Variants in NPHP4 observed in about 807,000 individuals in gnomAD.
NPHP4 encodes the protein nephrocystin 4.
In NPHP4, 151 loss-of-function variants were observed where a neutral mutation model predicts 155.8. The observed-to-expected ratio is 0.97, with a 90% CI of 0.85 to 1.11. NPHP4 has a LOEUF of 1.11. Ranked by LOEUF, NPHP4 falls within the 50% of genes least tolerant of loss-of-function variation. The pLI is 0.00. For missense variants in NPHP4, 1,956 were observed against 1,925.7 expected, an observed-to-expected ratio of 1.02 and a Z score of -0.29; for synonymous variants, 845 against 816.8, an observed-to-expected ratio of 1.03 and a Z score of -0.59.
chr1:5,866,335 C>T (rs760176313), intron 26 of NPHP4, 38 bp downstream of exon 26: 30 of 1,374,494 alleles, frequency 2.2e-5, no homozygotes, highest in Middle Eastern at 1.8e-4. Flanking sequence ...TCCTCTCCTC[C>T]GCCACCGCCT....
intron 26 of NPHP4, chr1:5,865,781 G>A (rs748353949): frequency 1.2e-4 from 19 of 163,392 alleles, no homozygotes; most frequent in Non-Finnish European, 1.9e-4. Context: ...ATGGGCTCAC[G>A]AGGAAGCCAC....
intron 16 of NPHP4, among the ~76,000 whole-genome samples, chr1:5,893,836 C>T (rs1037184912): frequency 8.5e-5 from 13 of 152,234 alleles, no homozygotes; most frequent in Admixed American, 3.3e-4. Flanking sequence ...TCTTCCCAGA[C>T]GCTGGCATTA....
chr1:5,927,991 T>A (rs1349849019), intron 10 of NPHP4, among the ~76,000 whole-genome samples: 1 of 152,198 alleles, frequency 6.6e-6, no homozygotes, highest in Non-Finnish European at 1.5e-5. Flanking sequence ...GCAGACCATA[T>A]GATCATGGAA....
intron 9 of NPHP4, among the ~76,000 whole-genome samples, chr1:5,945,119 A>G (rs992448170): frequency 1.3e-5 from 2 of 152,240 alleles, no homozygotes; most frequent in African/African-American, 4.8e-5. Flanking sequence ...TGGTTTCAGC[A>G]TACAGATGTC....
chr1:5,977,726 C>A (rs1653891342), intron 3 of NPHP4, among the ~76,000 whole-genome samples: 1 of 149,724 alleles, frequency 6.7e-6, no homozygotes, highest in African/African-American at 2.5e-5. Context: ...CGCTGCTCAA[C>A]CAGTGCCCAT....
chr1:5,977,166 G>A lies in NPHP4; in HGVS notation c.279+1104C>T, dbSNP rs570810698. 1.1e-4 allele frequency among the ~76,000 whole-genome samples: 16 copies of A among 152,216 alleles called. 1 individual carries two copies. The highest frequency in any genetic ancestry group is 3.4e-4 in the African/African-American group (14 of 41,518). On this transcript the variant is annotated intron_variant, in intron 3 of 29. Coordinates refer to ENST00000378156, the MANE Select transcript of NPHP4 (RefSeq NM_015102.5). ...AGCTGTGAAGCAGCAGCCAGGCATG[G>A]GAAAGGCCTCCATGACATCGCCGGC...
chr1:5,920,919 G>T (rs1247563817), intron 11 of NPHP4, among the ~76,000 whole-genome samples: 1 of 152,038 alleles, frequency 6.6e-6, no homozygotes, highest in East Asian at 1.9e-4. Context: ...GCTTAAGAAG[G>T]CCTTCCTAAC....
intron 5 of NPHP4, among the ~76,000 whole-genome samples, chr1:5,962,168 T>G (rs1329528495): frequency 6.6e-6 from 1 of 152,198 alleles, no homozygotes. Context: ...TTAATTTTTC[T>G]TTTTTGTTTG....
rs1430340392 is a variant in NPHP4 at position 5,867,032 on chromosome 1, C to T, written c.3556G>A (p.Val1186Met). 1.2e-6 allele frequency: 2 copies of T among 1,612,192 alleles called. No individual in the cohort carries two copies. Among genetic ancestry groups the T allele is most frequent in the African/African-American group, 1.3e-5 (1 of 74,906 alleles). The change falls in exon 25 of 30, where the codon GTG (valine) becomes ATG (methionine). Residue 1186 changes from valine (V) to methionine (M), a missense_variant and splice_region_variant. Val to Met is a conservative substitution (Grantham distance 21, BLOSUM62 1). Coordinates refer to ENST00000378156, the MANE Select transcript of NPHP4 (RefSeq NM_015102.5). This position sits in a 1 kb window ranked among gnomAD's most constrained non-coding sequence, Gnocchi z 4.1. ...DPNVICETQN[V>M]GPGEPRDIFL... ...GCTGGGGCCACAACACAACCTACCACATTCTGGGTCTCACAGATGACGTTC... is the reference window on the plus strand; with the variant it reads ...GCTGGGGCCACAACACAACCTACCATATTCTGGGTCTCACAGATGACGTTC...
chr1:5,864,582 G>A (rs1641004199), intron 27 of NPHP4, 65 bp from the exon 28 acceptor site: 1 of 1,401,906 alleles, frequency 7.1e-7, no homozygotes, highest in Non-Finnish European at 9.5e-7. Flanking sequence ...GGGGCTCCTG[G>A]GCGCCTGCAG....
rs756128114 is a variant in NPHP4 at position 5,890,831 on chromosome 1, A to C, written c.2304+37T>G. ...GCGTGACTCGTCCCATGAGGGACGCAGCACCCACTGTGCCTGTCCTTCCAG... is the reference window on the plus strand; with the variant it reads ...GCGTGACTCGTCCCATGAGGGACGCCGCACCCACTGTGCCTGTCCTTCCAG... On this transcript the variant is annotated intron_variant, in intron 17 of 29. Coordinates refer to ENST00000378156, the MANE Select transcript of NPHP4 (RefSeq NM_015102.5). The surrounding 1 kb of genome is among the most constrained non-coding windows in gnomAD (Gnocchi z 4.9). 2 of 1,585,188 alleles carry C rather than the reference A, an allele frequency of 1.3e-6. No individual in the cohort carries two copies. Among genetic ancestry groups the C allele is most frequent in the East Asian group, 2.3e-5 (1 of 43,820 alleles).
rs1644831969 is a variant in NPHP4 at position 5,904,746 on chromosome 1, A to T, written c.2014T>A (p.Phe672Ile). 6.2e-7 allele frequency: 1 copy of T among 1,613,852 alleles called. No individual in the cohort carries two copies. Among genetic ancestry groups the T allele is most frequent in the African/African-American group, 1.3e-5 (1 of 74,910 alleles). ...WPKTVYFTFQ[F>I]YRFPPATTPR... is the part of the protein sequence containing the mutation. ...GTCGTTGCGGGTGGGAAGCGGTAGA[A>T]CTGGAAGGTGAAATACACAGTCTTT... Residue 672 changes from phenylalanine to isoleucine, a missense_variant, in exon 16 of 30, where the codon TTC (phenylalanine) becomes ATC (isoleucine). By Grantham distance (21) the Phe-to-Ile change is conservative. Transcript: ENST00000378156.
chr1:5,925,640 G>C lies in NPHP4; in HGVS notation c.1441+2009C>G, dbSNP rs561086558. Among the ~76,000 whole-genome samples, 113 of 152,166 alleles carry C rather than the reference G, an allele frequency of 7.4e-4. 2 individuals carry two copies. The highest frequency in any genetic ancestry group is 7.2e-3 in the Admixed American group (110 of 15,290). On this transcript the variant is annotated intron_variant, in intron 11 of 29. Coordinates refer to ENST00000378156, the MANE Select transcript of NPHP4 (RefSeq NM_015102.5). ...TTGTTTTGTTTTGTTTTTTGAGACA[G>C]AGTCTTGCTCTGTCGCCCAGGCTGG... is the stretch of plus-strand genomic sequence containing the variant.
chr1:5,957,630 ATTTAAT>A, intron 6 of NPHP4, among the ~76,000 whole-genome samples: 1 of 103,576 alleles, frequency 9.7e-6, no homozygotes, highest in African/African-American at 4.4e-5. Context: ...ACAGTGGGAT[ATTTAAT>A]TCAGCAGAAT....
At chr1:5,992,106 C>A (rs999902890) in intron 1 of NPHP4, 138 bp downstream of exon 1, 1 of 152,496 alleles carries the variant, frequency 6.6e-6, no homozygotes, top group Non-Finnish European at 1.5e-5. Flanking sequence ...CGGGCCCCCA[C>A]GCAGGGACGG....
At chr1:5,988,731 C>A (rs1326313495) in intron 1 of NPHP4, among the ~76,000 whole-genome samples, 3 of 152,204 alleles carry the variant, frequency 2.0e-5, no homozygotes, top group Non-Finnish European at 2.9e-5. Context: ...CATGACCAGG[C>A]AGCCTGAGAG....
intron 7 of NPHP4, among the ~76,000 whole-genome samples, chr1:5,952,205 G>T (rs1041989138): frequency 6.6e-6 from 1 of 152,214 alleles, no homozygotes; most frequent in Non-Finnish European, 1.5e-5. Flanking sequence ...CCCAAGGTGG[G>T]TGAGATGACC....
intron 9 of NPHP4, among the ~76,000 whole-genome samples, chr1:5,937,470 C>T (rs958944527): frequency 9.9e-5 from 15 of 152,230 alleles, no homozygotes; most frequent in Admixed American, 3.3e-4. Flanking sequence ...CATTACTTCA[C>T]GAGCTTCATT....
chr1:5,972,814 A>C (rs1652819743), intron 3 of NPHP4, among the ~76,000 whole-genome samples: 1 of 151,808 alleles, frequency 6.6e-6, no homozygotes, highest in African/African-American at 2.4e-5. Context: ...TTTAGTGGTG[A>C]TCTGTGAGAT....
Sources: allele counts gnomAD v4.1 joint callset (sites outside exome capture counted in the v4.1 genomes callset), GRCh38; gene constraint gnomAD v4.1.1; non-coding constraint Gnocchi (gnomAD v3.1); transcripts MANE v1.5; gene names NCBI Gene and HGNC (gene_info 2026-07-23, HGNC 2026-07-21).